EYS: variants seen among roughly 807,000 people sequenced by gnomAD.
The protein encoded by EYS is protein eyes shut homolog.
Under a neutral mutation model 282.1 loss-of-function variants are expected in EYS, and 250 were observed. The ratio of observed to expected loss-of-function variants is 0.89; its 90% CI spans 0.80 to 0.98. The LOEUF is 0.98. Ranked by LOEUF, EYS falls within the 50% of genes least tolerant of loss-of-function variation. EYS has a pLI of 0.00. For synonymous variants in EYS, 1,355 were observed against 1,282.9 expected, an observed-to-expected ratio of 1.06 and a Z score of -1.20; for missense variants, 4,016 against 3,709.0, an observed-to-expected ratio of 1.08 and a Z score of -2.15.
At chr6:65,133,715 C>A (rs1775945693) in intron 12 of EYS, among the ~76,000 whole-genome samples, 1 of 151,748 alleles carries the variant, frequency 6.6e-6, no homozygotes, top group Non-Finnish European at 1.5e-5. Flanking sequence ...AACAGGCAAA[C>A]CTTTCAAGAT....
chr6:63,855,965 C>T (rs1581899029), intron 36 of EYS, among the ~76,000 whole-genome samples: 1 of 151,076 alleles, frequency 6.6e-6, no homozygotes, highest in East Asian at 1.9e-4. Flanking sequence ...CACAGTTTTT[C>T]CTGTGGCAAA....
chr6:65,191,855 A>G (rs1223954468), intron 12 of EYS, among the ~76,000 whole-genome samples: 1 of 151,868 alleles, frequency 6.6e-6, no homozygotes, highest in African/African-American at 2.4e-5. Context: ...GGTGATCACC[A>G]TGCTGCCTTG....
In EYS at chr6:65,495,396, T is replaced by C; in HGVS notation, c.15A>G (p.Ser5=). The change falls in exon 4 of 43, where the codon TCA becomes TCG. Residue 5 remains serine (S), a synonymous_variant. Coordinates refer to ENST00000503581, the MANE Select transcript of EYS (RefSeq NM_001142800.2). ...AAACCATCAGGCTCAGAATGACGAT[T>C]GATTTGTCAGTCATTTTCGGGTAGC... is the stretch of plus-strand genomic sequence containing the variant. MTDK[S]IVILSLMVFH... 2 of 1,611,246 alleles carry C rather than the reference T, an allele frequency of 1.2e-6. No homozygotes were observed. The highest frequency in any genetic ancestry group is 1.7e-6 in the Non-Finnish European group (2 of 1,179,972).
intron 19 of EYS, among the ~76,000 whole-genome samples, chr6:64,856,625 T>C (rs541249009): frequency 6.2e-4 from 95 of 152,050 alleles, no homozygotes; most frequent in South Asian, 6.2e-3. Context: ...ACTTTTTTTC[T>C]TATTCTTTCA....
chr6:64,408,143 G>C (rs922149824), intron 28 of EYS, among the ~76,000 whole-genome samples: 1 of 151,656 alleles, frequency 6.6e-6, no homozygotes, highest in African/African-American at 2.4e-5. Context: ...TGGTTTAATG[G>C]AAGAGCAAAT....
intron 35 of EYS, among the ~76,000 whole-genome samples, chr6:63,979,498 AAT>A (rs2149789096): frequency 6.6e-6 from 1 of 152,052 alleles, no homozygotes; most frequent in South Asian, 2.1e-4. Context: ...ATAAATTTGA[AAT>A]TAGTGTCTCA....
intron 11 of EYS, among the ~76,000 whole-genome samples, chr6:65,300,691 T>C (rs1768795016): frequency 6.6e-6 from 1 of 152,224 alleles, no homozygotes; most frequent in South Asian, 2.1e-4. Flanking sequence ...GTGACTTTAT[T>C]GCACTGTGAT....
chr6:65,262,374 G>A (rs1458842773), intron 12 of EYS, among the ~76,000 whole-genome samples: 1 of 152,054 alleles, frequency 6.6e-6, no homozygotes, highest in Non-Finnish European at 1.5e-5. Context: ...AATAAGAAAT[G>A]TATTACTCAA....
chr6:64,259,968 T>G (rs1767533762), intron 30 of EYS, among the ~76,000 whole-genome samples: 1 of 152,088 alleles, frequency 6.6e-6, no homozygotes, highest in Non-Finnish European at 1.5e-5. Flanking sequence ...TTTTTCCTTC[T>G]AAATAACAGG....
At chr6:64,940,027 C>T (rs565543296) in intron 15 of EYS, among the ~76,000 whole-genome samples, 9 of 152,098 alleles carry the variant, frequency 5.9e-5, no homozygotes, top group African/African-American at 2.2e-4. Flanking sequence ...TTGGCTTTCA[C>T]TTCTTTCTTG....
At chr6:64,479,463 A>G (rs992728365) in intron 26 of EYS, among the ~76,000 whole-genome samples, 4 of 151,848 alleles carry the variant, frequency 2.6e-5, no homozygotes, top group African/African-American at 9.7e-5. Context: ...ACTCCCACCA[A>G]TCTCTTACTG....
chr6:64,019,532 T>G (rs1769073882), intron 33 of EYS, among the ~76,000 whole-genome samples: 1 of 151,986 alleles, frequency 6.6e-6, no homozygotes, highest in South Asian at 2.1e-4. Flanking sequence ...TGCCTTAGCC[T>G]CTCGAGTAGC....
At chr6:65,706,717 A>C (rs1769891525) in intron 1 of EYS, among the ~76,000 whole-genome samples, 1 of 152,138 alleles carries the variant, frequency 6.6e-6, no homozygotes, top group Non-Finnish European at 1.5e-5. Context: ...ATCTTTTCTA[A>C]ACAAACTGAA....
At chr6:65,439,846 C>T (rs1400816671) in intron 5 of EYS, among the ~76,000 whole-genome samples, 1 of 151,972 alleles carries the variant, frequency 6.6e-6, no homozygotes, top group East Asian at 1.9e-4. Flanking sequence ...AGACATAAAA[C>T]TATAACATGA....
chr6:65,327,273 A>C (rs1246726168), intron 11 of EYS, among the ~76,000 whole-genome samples: 2 of 151,682 alleles, frequency 1.3e-5, no homozygotes, highest in Non-Finnish European at 3.0e-5. Flanking sequence ...CTTCTAAGTC[A>C]AAGTGTTATA....
chr6:64,617,675 T>C (rs1767318110), intron 23 of EYS, 142 bp from the exon 24 acceptor site: 1 of 628,116 alleles, frequency 1.6e-6, no homozygotes, highest in African/African-American at 1.9e-5. Context: ...TGTATCTTCA[T>C]GATCAGTTTA....
At chr6:64,536,980 T>C (rs1764536593) in intron 26 of EYS, among the ~76,000 whole-genome samples, 1 of 151,798 alleles carries the variant, frequency 6.6e-6, no homozygotes, top group African/African-American at 2.4e-5. Context: ...GCTAAATTTA[T>C]GTGTCTCTTT....
At chr6:65,278,320 A>ATTCTATATATAG (rs1349509416) in intron 12 of EYS, among the ~76,000 whole-genome samples, 9 of 38,922 alleles carry the variant, frequency 2.3e-4, no homozygotes, top group Admixed American at 1.4e-3. Flanking sequence ...TATTCTATAG[A>ATTCTATATATAG]AATCTATATA....
At chr6:65,566,241 C>G (rs1321465624) in intron 2 of EYS, among the ~76,000 whole-genome samples, 1 of 151,936 alleles carries the variant, frequency 6.6e-6, no homozygotes, top group Non-Finnish European at 1.5e-5. Flanking sequence ...ATGCACTAGA[C>G]TGGTAAGGGA....
Sources: allele counts gnomAD v4.1 joint callset (sites outside exome capture counted in the v4.1 genomes callset), GRCh38; gene constraint gnomAD v4.1.1; transcripts MANE v1.5; gene names NCBI Gene and HGNC (gene_info 2026-07-23, HGNC 2026-07-21).